The following HOOK3 variants were observed in gnomAD, a reference collection of about 807,000 sequenced individuals.
HOOK3 encodes the protein protein Hook homolog 3.
A neutral mutation model predicts 116.3 loss-of-function variants in HOOK3; 24 were observed. The ratio of observed to expected loss-of-function variants is 0.21; its 90% CI spans 0.15 to 0.29. The LOEUF (loss-of-function observed/expected upper bound fraction) is 0.29. Among genes scored for constraint, HOOK3 ranks in the 10% least tolerant of loss-of-function variants. The pLI is 1.00. For missense variants in HOOK3, 632 were observed against 830.2 expected (o/e 0.76, Z 2.93); for synonymous variants, 275 against 283.0 (o/e 0.97, Z 0.28).
In HOOK3 at chr8:42,974,206, T is replaced by C. The variant is rs777679147; in HGVS notation, c.1321+12T>C. 5.0e-6 allele frequency: 8 copies of C among 1,591,746 alleles called. No homozygotes were observed. Among genetic ancestry groups the C allele is most frequent in the Admixed American group, 1.7e-5 (1 of 59,802 alleles). On this transcript the variant is annotated intron_variant, in intron 13 of 21. Coordinates refer to ENST00000307602, the MANE Select transcript of HOOK3 (RefSeq NM_032410.4). ...GCTCACAACACAAGGTAAAAACGTTTTGCGAGTACAAACCAGATGATTTCT... is the reference window on the plus strand; with the variant it reads ...GCTCACAACACAAGGTAAAAACGTTCTGCGAGTACAAACCAGATGATTTCT...
chr8:42,946,113 A>G (rs901960154), intron 5 of HOOK3, among the ~76,000 whole-genome samples: 1 of 152,200 alleles, frequency 6.6e-6, no homozygotes, highest in African/African-American at 2.4e-5. Flanking sequence ...TATTTCATAA[A>G]TATTGAACTT....
intron 4 of HOOK3, among the ~76,000 whole-genome samples, chr8:42,941,596 G>A (rs1425029797): frequency 6.7e-6 from 1 of 149,764 alleles, no homozygotes; most frequent in Non-Finnish European, 1.5e-5. Context: ...TCTAGGAATT[G>A]ATTTTCCTAT....
chr8:42,966,212 G>A (rs969786258), intron 9 of HOOK3, among the ~76,000 whole-genome samples: 2 of 152,072 alleles, frequency 1.3e-5, no homozygotes, highest in Admixed American at 1.3e-4. Flanking sequence ...AATTGTATCT[G>A]CAATATTTCA....
At chr8:42,927,342 C>T (rs1014254031) in intron 3 of HOOK3, among the ~76,000 whole-genome samples, 15 of 151,194 alleles carry the variant, frequency 9.9e-5, no homozygotes, top group African/African-American at 2.2e-4. Context: ...CTGCAACCTC[C>T]GCCTCCCGAG....
chr8:42,939,724 G>A lies in HOOK3; in HGVS notation c.268-3589G>A, dbSNP rs1808063112. Among the ~76,000 whole-genome samples the A allele has an allele frequency of 2.0e-5, 3 of 151,026 alleles. No individual in the cohort carries two copies. In the South Asian group the frequency reaches 6.3e-4, roughly 32 times the overall value. On this transcript the variant is annotated intron_variant, in intron 4 of 21. Transcript: ENST00000307602. ...GGGCGGAGGGGCTCCTCACTTCTCA[G>A]ACGGGGCGGCTGCCGGGCGGAGGGG...
At chr8:43,004,679 TAA>T (rs71231881) in intron 17 of HOOK3, among the ~76,000 whole-genome samples, 9 of 86,660 alleles carry the variant, frequency 1.0e-4, no homozygotes, top group African/African-American at 1.8e-4. Flanking sequence ...AGACTCCATC[TAA>T]AAAAAAAAAA....
chr8:42,969,453 C>T (rs897910831), intron 11 of HOOK3, among the ~76,000 whole-genome samples: 1 of 152,132 alleles, frequency 6.6e-6, no homozygotes, highest in African/African-American at 2.4e-5. Context: ...TAGCAAGACC[C>T]CATCTCTAAA....
intron 13 of HOOK3, among the ~76,000 whole-genome samples, chr8:42,981,297 C>T (rs1261187528): frequency 6.6e-6 from 1 of 152,066 alleles, no homozygotes; most frequent in South Asian, 2.1e-4. Context: ...AATCGATCCG[C>T]CCACCTCGGC....
chr8:43,030,000 T>C lies in HOOK3; in HGVS notation c.*11502T>C, dbSNP rs898524490. The C allele has an allele frequency of 2.3e-5, 5 of 213,384 alleles. No homozygotes were observed. The highest frequency in any genetic ancestry group is 1.4e-4 in the East Asian group (2 of 14,138). The allele number at this position is 213,384 out of a possible 1,614,324, so 13.2% of individuals were successfully genotyped here. A position where few individuals can be genotyped will look rare whatever the true frequency, so the allele number is the denominator to read the frequency against. On this transcript the variant is annotated 3_prime_UTR_variant, in exon 22 of 22. Transcript: ENST00000307602. ...CTGATTGAGTATTGAATTTACATTT[T>C]TCAGAATTTCATTCTTTGTCATTAT...
At chr8:42,901,997 C>T (rs764161692) in intron 1 of HOOK3, among the ~76,000 whole-genome samples, 10 of 152,182 alleles carry the variant, frequency 6.6e-5, no homozygotes, top group Non-Finnish European at 1.0e-4. Flanking sequence ...CGTGAGCCAC[C>T]GTGCCAGGCC....
At chr8:42,964,216 A>T (rs1808589392) in intron 8 of HOOK3, 95 bp from the exon 9 acceptor site, 2 of 1,270,960 alleles carry the variant, frequency 1.6e-6, no homozygotes, top group Non-Finnish European at 2.2e-6. Context: ...AAAAATCTAT[A>T]TATAGGCTTT....
intron 15 of HOOK3, among the ~76,000 whole-genome samples, chr8:42,991,943 A>C (rs889590901): frequency 6.6e-6 from 1 of 151,736 alleles, no homozygotes; most frequent in Non-Finnish European, 1.5e-5. Flanking sequence ...ATATCTTTCC[A>C]TTTTTTTGTG....
chr8:42,950,511 TATGA>T lies in HOOK3; in HGVS notation c.468+59_468+62del, dbSNP rs1808319238. 4.4e-6 allele frequency: 5 copies of T among 1,134,674 alleles called. No individual in the cohort carries two copies. In the South Asian group the frequency reaches 7.0e-5, roughly 16 times the overall value. 70.3% of individuals were successfully genotyped at this position (1,134,674 alleles called of 1,614,324 possible). A position where few individuals can be genotyped will look rare whatever the true frequency, so the allele number is the denominator to read the frequency against. On this transcript the variant is annotated intron_variant, in intron 6 of 21. Transcript: ENST00000307602. The stretch of plus-strand genomic sequence containing the variant: ...GAAAAATTAAAGGAGTAAACATGAG[TATGA>T]ATAATACAAGTGGAAAATTTTAAGA...
intron 4 of HOOK3, among the ~76,000 whole-genome samples, chr8:42,939,245 A>G (rs1206235896): frequency 7.2e-5 from 11 of 151,996 alleles, no homozygotes; most frequent in Non-Finnish European, 1.6e-4. Context: ...CACCTCCCAG[A>G]CGGGGTGGTG....
intron 3 of HOOK3, among the ~76,000 whole-genome samples, chr8:42,926,066 A>T (rs1807759493): frequency 6.6e-6 from 1 of 152,220 alleles, no homozygotes; most frequent in Non-Finnish European, 1.5e-5. Context: ...TCAGAGAATG[A>T]AACATTTTCA....
At chr8:42,931,818 G>A (rs1260681541) in intron 4 of HOOK3, among the ~76,000 whole-genome samples, 3 of 147,132 alleles carry the variant, frequency 2.0e-5, no homozygotes, top group South Asian at 2.2e-4. Flanking sequence ...GCAGTAGCGC[G>A]ATCTCAGCTC....
At chr8:42,965,008 A>G (rs1454999316) in intron 9 of HOOK3, among the ~76,000 whole-genome samples, 1 of 152,226 alleles carries the variant, frequency 6.6e-6, no homozygotes, top group Non-Finnish European at 1.5e-5. Context: ...CAACTATAGG[A>G]TACCTGAGTG....
intron 5 of HOOK3, among the ~76,000 whole-genome samples, chr8:42,945,586 C>T (rs929878932): frequency 2.0e-5 from 3 of 152,196 alleles, no homozygotes; most frequent in African/African-American, 7.2e-5. Flanking sequence ...GCTAGGATTA[C>T]AGGCATGAGC....
intron 2 of HOOK3, among the ~76,000 whole-genome samples, chr8:42,908,518 C>T (rs1170695986): frequency 6.6e-6 from 1 of 152,200 alleles, no homozygotes; most frequent in African/African-American, 2.4e-5. Flanking sequence ...CATCTATAGT[C>T]AGTTGATTTT....
Sources: gnomAD v4.1 joint callset for allele counts (sites outside exome capture counted in the v4.1 genomes callset) on GRCh38, gnomAD v4.1.1 for gene constraint, MANE v1.5 for transcripts, NCBI Gene and HGNC (gene_info 2026-07-23, HGNC 2026-07-21) for gene names.